The following ALK variants were observed in gnomAD, a reference collection of about 807,000 sequenced individuals.
ALK encodes ALK tyrosine kinase receptor.
ALK carries 74 observed loss-of-function variants against 163.1 expected under a neutral mutation model. The observed-to-expected ratio is 0.45, with a 90% confidence interval of 0.38 to 0.55. The LOEUF (loss-of-function observed/expected upper bound fraction) is 0.55, where lower values mean the gene tolerates loss of function less well. Ranked by LOEUF, ALK falls within the 20% of genes least tolerant of loss-of-function variation. The pLI is 0.00. For synonymous variants in ALK, 960 were observed against 843.2 expected (o/e 1.14, Z -2.40); for missense variants, 2,063 against 2,105.3 (o/e 0.98, Z 0.39).
intron 4 of ALK, among the ~76,000 whole-genome samples, chr2:29,484,507 C>A (rs1671735566): frequency 6.6e-6 from 1 of 152,160 alleles, no homozygotes; most frequent in Non-Finnish European, 1.5e-5. Context: ...CTGAACACCA[C>A]TTCCAGTTTT....
chr2:29,778,354 T>C (rs1054398455), intron 1 of ALK, among the ~76,000 whole-genome samples: 1 of 152,192 alleles, frequency 6.6e-6, no homozygotes, highest in African/African-American at 2.4e-5. Context: ...AAATAAAGAA[T>C]GCCTATGTGG....
chr2:29,837,835 T>C (rs1481291617), intron 1 of ALK, among the ~76,000 whole-genome samples: 1 of 152,000 alleles, frequency 6.6e-6, no homozygotes, highest in Non-Finnish European at 1.5e-5. Flanking sequence ...AGAAAGAAAA[T>C]GTGACTCATT....
At chr2:29,891,076 G>C (rs936857775) in intron 1 of ALK, 8 of 152,182 alleles carry the variant, frequency 5.3e-5, no homozygotes, top group Non-Finnish European at 5.9e-5. Context: ...AGGATTAAAA[G>C]AGACAACATA....
At chr2:29,749,794 T>C (rs769867113) in intron 1 of ALK, among the ~76,000 whole-genome samples, 1 of 152,202 alleles carries the variant, frequency 6.6e-6, no homozygotes, top group Non-Finnish European at 1.5e-5. Flanking sequence ...GAGACACTTG[T>C]TCATTGAGAT....
intron 28 of ALK, among the ~76,000 whole-genome samples, chr2:29,194,156 A>G (rs1250846560): frequency 6.6e-6 from 1 of 152,178 alleles, no homozygotes; most frequent in African/African-American, 2.4e-5. Context: ...GGTGCCTGGG[A>G]CAGAGTGGAG....
intron 4 of ALK, among the ~76,000 whole-genome samples, chr2:29,464,942 C>G (rs1378617740): frequency 6.6e-6 from 1 of 152,146 alleles, no homozygotes; most frequent in Non-Finnish European, 1.5e-5. Flanking sequence ...AAAAAATTAA[C>G]AGAATATCAG....
At position 29,708,983 on chromosome 2, in the gene ALK, G is replaced by A. The variant is rs545355898; in HGVS notation, c.787+8595C>T. Among the ~76,000 whole-genome samples the A allele has an allele frequency of 5.3e-5, 8 of 152,226 alleles. No homozygotes were observed. In the East Asian group the frequency reaches 1.5e-3, roughly 29 times the overall value. ...AAGTTTTGCACCTGAGGTTGCTCTC[G>A]ACAAAACATTTTAAGAGGATTTTCT... On this transcript the variant is annotated intron_variant, in intron 2 of 28. Coordinates refer to ENST00000389048, the MANE Select transcript of ALK (RefSeq NM_004304.5).
chr2:29,773,468 CT>C (rs370418428), intron 1 of ALK, among the ~76,000 whole-genome samples: 41 of 152,190 alleles, frequency 2.7e-4, no homozygotes, highest in African/African-American at 9.6e-4. Flanking sequence ...GCTTTTAGGT[CT>C]TTAAGTCTCA....
chr2:29,525,430 C>G (rs1672931695), intron 4 of ALK, among the ~76,000 whole-genome samples: 1 of 152,180 alleles, frequency 6.6e-6, no homozygotes. Flanking sequence ...CCCAGAATCC[C>G]TGCAGAGCTT....
chr2:29,379,015 C>G (rs886576250), intron 5 of ALK, among the ~76,000 whole-genome samples: 1 of 152,186 alleles, frequency 6.6e-6, no homozygotes, highest in Non-Finnish European at 1.5e-5. Flanking sequence ...GCCTGGCACA[C>G]TGGTCCTTTT....
intron 3 of ALK, among the ~76,000 whole-genome samples, chr2:29,566,668 A>T (rs984435027): frequency 6.6e-6 from 1 of 152,242 alleles, no homozygotes; most frequent in Non-Finnish European, 1.5e-5. Context: ...ATGATTATGG[A>T]AGTGAATAAA....
intron 1 of ALK, among the ~76,000 whole-genome samples, chr2:29,826,114 C>T (rs115428625): frequency 0.022 from 3,301 of 152,130 alleles, 45 homozygotes; most frequent in Non-Finnish European, 0.033. Flanking sequence ...CTGCAGTGCC[C>T]CTCCCCACCC....
intron 3 of ALK, among the ~76,000 whole-genome samples, chr2:29,645,388 TTC>T (rs1676842616): frequency 6.6e-6 from 1 of 152,154 alleles, no homozygotes; most frequent in Admixed American, 6.6e-5. Context: ...CTTGGCTTCT[TTC>T]ATATAAGACC....
chr2:29,894,810 A>G (rs1439393495), intron 1 of ALK, among the ~76,000 whole-genome samples: 1 of 151,486 alleles, frequency 6.6e-6, no homozygotes, highest in Non-Finnish European at 1.5e-5. Flanking sequence ...ACATACTAGT[A>G]TCTGTGAGAA....
intron 5 of ALK, among the ~76,000 whole-genome samples, chr2:29,377,303 C>T (rs977631834): frequency 1.1e-4 from 17 of 151,908 alleles, no homozygotes; most frequent in South Asian, 4.2e-4. Context: ...GGTGAAACCC[C>T]GTCTCTACTG....
rs200142015 is a variant in ALK, at chr2:29,801,552, A to C, written c.668-83855T>G. On this transcript the variant is annotated intron_variant, in intron 1 of 28. Coordinates refer to ENST00000389048, the MANE Select transcript of ALK (RefSeq NM_004304.5). ...GCACGACTTTCAGCCTTCAAGGATC[A>C]GGGATGCCACACAACCACTTTAGTA... Among the ~76,000 whole-genome samples the C allele has an allele frequency of 2.0e-3, 307 of 152,360 alleles. 3 individuals carry two copies. The highest frequency in any genetic ancestry group is 6.8e-3 in the African/African-American group (284 of 41,586).
intron 1 of ALK, among the ~76,000 whole-genome samples, chr2:29,739,543 G>A (rs1045309097): frequency 2.7e-5 from 4 of 149,104 alleles, no homozygotes; most frequent in African/African-American, 1.0e-4. Context: ...GGGCGACAGT[G>A]CGTGAATCTG....
At chr2:29,345,322 G>A (rs1436555147) in intron 5 of ALK, among the ~76,000 whole-genome samples, 1 of 151,814 alleles carries the variant, frequency 6.6e-6, no homozygotes, top group Non-Finnish European at 1.5e-5. Flanking sequence ...CCTGAGCCTG[G>A]GAGTTCTCCT....
chr2:29,678,056 C>T (rs1002773347), intron 3 of ALK, among the ~76,000 whole-genome samples: 8 of 151,878 alleles, frequency 5.3e-5, no homozygotes, highest in Non-Finnish European at 1.2e-4. Flanking sequence ...TCTAAGTTGT[C>T]ATATATTGTC....
Sources: allele counts gnomAD v4.1 joint callset (sites outside exome capture counted in the v4.1 genomes callset), GRCh38; gene constraint gnomAD v4.1.1; transcripts MANE v1.5; gene names NCBI Gene and HGNC (gene_info 2026-07-23, HGNC 2026-07-21).